ASB4: variants seen among roughly 807,000 people sequenced by gnomAD.
The protein encoded by ASB4 is ankyrin repeat and SOCS box protein 4.
In ASB4, 35 loss-of-function variants were observed where a neutral mutation model predicts 38.6. The observed-to-expected ratio is 0.91, with a 90% CI of 0.69 to 1.20. ASB4 has a LOEUF of 1.20. ASB4 is among the 50% of genes most tolerant of loss of function. ASB4 has a pLI of 0.00. For synonymous variants in ASB4, 195 were observed against 201.3 expected, an observed-to-expected ratio of 0.97 and a Z score of 0.26; for missense variants, 557 against 527.2, an observed-to-expected ratio of 1.06 and a Z score of -0.55.
chr7:95,517,015 T>G (rs560232549), intron 2 of ASB4, among the ~76,000 whole-genome samples: 10 of 152,342 alleles, frequency 6.6e-5, no homozygotes. Flanking sequence ...AGTTATCCTC[T>G]CAAGCTTTCC....
chr7:95,526,348 A>T (rs1003882792), intron 2 of ASB4, among the ~76,000 whole-genome samples: 1 of 152,186 alleles, frequency 6.6e-6, no homozygotes, highest in Non-Finnish European at 1.5e-5. Flanking sequence ...CCTTCAGCAC[A>T]GCAGCTCCCC....
intron 2 of ASB4, among the ~76,000 whole-genome samples, chr7:95,510,994 G>T (rs911391703): frequency 6.6e-6 from 1 of 152,132 alleles, no homozygotes; most frequent in African/African-American, 2.4e-5. Flanking sequence ...CTTACAAACA[G>T]AAATGCAAGT....
At chr7:95,517,741 G>A (rs568411499) in intron 2 of ASB4, among the ~76,000 whole-genome samples, 1 of 152,294 alleles carries the variant, frequency 6.6e-6, no homozygotes, top group South Asian at 2.1e-4. Context: ...CCAGTGGAGT[G>A]TGGGGACAGA....
chr7:95,510,676 G>GA (rs1347422222), intron 2 of ASB4, among the ~76,000 whole-genome samples: 1 of 152,134 alleles, frequency 6.6e-6, no homozygotes, highest in Admixed American at 6.5e-5. Context: ...TGCTTCAGAG[G>GA]AAAAGTAGTA....
intron 2 of ASB4, among the ~76,000 whole-genome samples, chr7:95,517,344 A>G (rs945948907): frequency 1.3e-5 from 2 of 152,068 alleles, no homozygotes; most frequent in African/African-American, 2.4e-5. Context: ...TAGTTTTAAT[A>G]GTTCTTTATG....
chr7:95,528,273 T>C lies in ASB4; in HGVS notation c.948T>C (p.Ala316=). The C allele has an allele frequency of 6.2e-7, 1 of 1,614,138 alleles. No homozygotes were observed. Among genetic ancestry groups the C allele is most frequent in the Non-Finnish European group, 8.5e-7 (1 of 1,180,016 alleles). Residue 316 remains alanine (A), a synonymous_variant, in exon 3 of 5, where the codon GCT becomes GCC. Transcript: ENST00000325885. ...ICYQLLLNHG[A]ARIYPPQFHK... is the part of the protein sequence containing the mutation. ...ACCAGCTCCTGTTGAACCATGGGGC[T>C]GCCCGAATATACCCTCCACAGTTCC...
chr7:95,472,341 C>A, the ASB4 span, among the ~76,000 whole-genome samples: 1 of 152,064 alleles, frequency 6.6e-6, no homozygotes, highest in African/African-American at 2.4e-5. Flanking sequence ...GATCTGTTGC[C>A]GCCATCTTGA....
chr7:95,493,063 T>C (rs1367960017), intron 1 of ASB4, among the ~76,000 whole-genome samples: 1 of 152,164 alleles, frequency 6.6e-6, no homozygotes, highest in African/African-American at 2.4e-5. Flanking sequence ...GCCCAGACTG[T>C]CTATGACACT....
the ASB4 span, among the ~76,000 whole-genome samples, chr7:95,471,678 G>T: frequency 2.6e-5 from 4 of 151,994 alleles, no homozygotes; most frequent in Non-Finnish European, 5.9e-5. Flanking sequence ...TCTCATAAAG[G>T]AATGCCCTTA....
intron 3 of ASB4, among the ~76,000 whole-genome samples, chr7:95,531,817 C>G (rs934542089): frequency 6.6e-6 from 1 of 152,136 alleles, no homozygotes; most frequent in Non-Finnish European, 1.5e-5. Context: ...AAGCATCTCC[C>G]CTGCTGGCTT....
At chr7:95,525,947 G>GT (rs1347482305) in intron 2 of ASB4, among the ~76,000 whole-genome samples, 2 of 152,166 alleles carry the variant, frequency 1.3e-5, no homozygotes, top group Non-Finnish European at 2.9e-5. Context: ...GCTTGTAGGA[G>GT]TTTTGGCTTT....
At chr7:95,485,557 G>C (rs1410949201), upstream of ASB4, among the ~76,000 whole-genome samples, 2 of 152,078 alleles carry the variant, frequency 1.3e-5, no homozygotes. Flanking sequence ...TTTCATTTTT[G>C]GATATTGGCT....
At position 95,528,002 on chromosome 7, in the gene ASB4, A is replaced by G; in HGVS notation, c.677A>G (p.Glu226Gly). The G allele has an allele frequency of 6.2e-7, 1 of 1,614,138 alleles. No individual in the cohort carries two copies. Reference sequence around the variant, plus strand: ...TGGGCCCTCCGCTTTAAGGAGCAGGAGTACAGCACGGAGCACCACCTGGTC... The same window carrying G: ...TGGGCCCTCCGCTTTAAGGAGCAGGGGTACAGCACGGAGCACCACCTGGTC... ...AYWALRFKEQ[E>G]YSTEHHLVCR... The change falls in exon 3 of 5, where the codon GAG becomes GGG. Residue 226 changes from glutamate (E) to glycine (G), a missense_variant. Glu to Gly is a moderately conservative substitution (Grantham distance 98). Transcript: ENST00000325885.
chr7:95,550,879 C>A, the ASB4 span, among the ~76,000 whole-genome samples: 1 of 152,260 alleles, frequency 6.6e-6, no homozygotes, highest in Non-Finnish European at 1.5e-5. Flanking sequence ...CTTTCCAACC[C>A]CTTCCCCAAA....
chr7:95,487,342 A>G (rs138578271), intron 1 of ASB4, among the ~76,000 whole-genome samples: 57 of 152,342 alleles, frequency 3.7e-4, no homozygotes, highest in African/African-American at 9.4e-4. Context: ...AAATTTGTAT[A>G]CTATATAATC....
intron 2 of ASB4, among the ~76,000 whole-genome samples, chr7:95,507,389 G>A (rs903517559): frequency 4.0e-5 from 6 of 151,804 alleles, no homozygotes; most frequent in Non-Finnish European, 7.4e-5. Context: ...CTTCTTTGCC[G>A]AGCAAACTTC....
At chr7:95,470,988 T>A in the ASB4 span, among the ~76,000 whole-genome samples, 5 of 152,198 alleles carry the variant, frequency 3.3e-5, no homozygotes, top group Non-Finnish European at 7.4e-5. Context: ...CAACTCCTAC[T>A]TTATTCCATA....
rs28414348 is a variant in ASB4 at position 95,538,122 on chromosome 7, T to C, written c.*363T>C. On this transcript the variant is annotated 3_prime_UTR_variant, in exon 5 of 5. Transcript: ENST00000325885. Reference sequence around the variant, plus strand: ...ATATAATTCTGTGCCTTATCAGTAATATGTTTACATTCTCATTCAAATGGC... The same window carrying C: ...ATATAATTCTGTGCCTTATCAGTAACATGTTTACATTCTCATTCAAATGGC... The C allele has an allele frequency of 0.068, 11,423 of 168,924 alleles. 565 individuals are homozygous for C. The highest frequency in any genetic ancestry group is 0.12 in the African/African-American group (5,272 of 42,226). 10.5% of individuals were successfully genotyped at this position (168,924 alleles called of 1,614,324 possible). A position where few individuals can be genotyped will look rare whatever the true frequency, so the allele number is the denominator to read the frequency against.
At chr7:95,515,167 CTCTTTCTT>C (rs71127411) in intron 2 of ASB4, among the ~76,000 whole-genome samples, 8,923 of 89,008 alleles carry the variant, frequency 0.1, 454 homozygotes, top group Non-Finnish European at 0.12. Context: ...CTTTCTCTTT[CTCTTTCTT>C]TCTTTCTTTC....
Sources: allele counts gnomAD v4.1 joint callset (sites outside exome capture counted in the v4.1 genomes callset), GRCh38; gene constraint gnomAD v4.1.1; transcripts MANE v1.5; gene names NCBI Gene and HGNC (gene_info 2026-07-23, HGNC 2026-07-21).